Variants in ALDH1L1 observed in about 807,000 individuals in gnomAD.
ALDH1L1 encodes the protein aldehyde dehydrogenase 1 family member L1.
In ALDH1L1, 68 loss-of-function variants were observed where a neutral mutation model predicts 101.1. That is an observed-to-expected ratio of 0.67 (90% CI 0.55 to 0.82). The LOEUF is 0.82. Among genes scored for constraint, ALDH1L1 ranks in the 40% least tolerant of loss-of-function variants. The pLI is 0.00. For missense variants in ALDH1L1, 1,087 were observed against 1,172.7 expected (o/e 0.93, Z 1.07); for synonymous variants, 486 against 470.8 (o/e 1.03, Z -0.42).
upstream of ALDH1L1, among the ~76,000 whole-genome samples, chr3:126,185,693 A>G (rs1257891927): frequency 1.3e-5 from 2 of 152,174 alleles, no homozygotes; most frequent in African/African-American, 4.8e-5. Flanking sequence ...CATGGGGTGC[A>G]GACTGTGGGT....
At chr3:126,143,907 G>A (rs1389311182) in intron 9 of ALDH1L1, among the ~76,000 whole-genome samples, 1 of 152,214 alleles carries the variant, frequency 6.6e-6, no homozygotes, top group Non-Finnish European at 1.5e-5. Flanking sequence ...TCAAACCACT[G>A]TTCCAGCCTA....
chr3:126,194,965 G>A (rs1576515698), intron 1 of ALDH1L1, among the ~76,000 whole-genome samples: 1 of 151,866 alleles, frequency 6.6e-6, no homozygotes, highest in East Asian at 1.9e-4. Flanking sequence ...TGGACTTTCT[G>A]ACTTGTCCTA....
intron 17 of ALDH1L1, chr3:126,115,024 C>T (rs1161491481): frequency 4.4e-6 from 2 of 458,340 alleles, no homozygotes; most frequent in South Asian, 3.1e-5. Flanking sequence ...GCATGTTGAC[C>T]TCTGACCCCA....
upstream of ALDH1L1, among the ~76,000 whole-genome samples, chr3:126,183,126 T>A (rs1222498635): frequency 1.3e-5 from 2 of 152,118 alleles, no homozygotes; most frequent in Non-Finnish European, 2.9e-5. Context: ...TGTAAAATCT[T>A]CAAAGAGAAC....
In ALDH1L1 at chr3:126,103,827, C is replaced by T. The variant is rs1469655141; in HGVS notation, c.2673G>A (p.Glu891=). ...AGGTCACTGTCTTGACCCGCAGGTA[C>T]TCGTTCAGAGCCGCCTCTCCTGTAA... ...GKDLGEAALN[E]YLRVKTVTFE... Residue 891 remains glutamate, a synonymous_variant, in exon 23 of 23, where the codon GAG becomes GAA. Coordinates refer to ENST00000393434, the MANE Select transcript of ALDH1L1 (RefSeq NM_012190.4). 1 of 1,613,628 alleles carries T rather than the reference C, an allele frequency of 6.2e-7. No individual in the cohort carries two copies. Among genetic ancestry groups the T allele is most frequent in the Admixed American group, 1.7e-5 (1 of 59,958 alleles).
At chr3:126,190,048 A>C (rs1216350973) in intron 1 of ALDH1L1, among the ~76,000 whole-genome samples, 1 of 152,208 alleles carries the variant, frequency 6.6e-6, no homozygotes, top group Non-Finnish European at 1.5e-5. Flanking sequence ...CCTCTGTTGC[A>C]GGAGATTCTT....
intron 1 of ALDH1L1, among the ~76,000 whole-genome samples, chr3:126,165,572 GT>G (rs537596578): frequency 7.8e-4 from 118 of 152,236 alleles, no homozygotes; most frequent in African/African-American, 2.8e-3. Context: ...TTGGTTGGTA[GT>G]TGTTTTCATT....
upstream of ALDH1L1, among the ~76,000 whole-genome samples, chr3:126,186,357 T>G (rs1047674960): frequency 6.6e-6 from 1 of 152,148 alleles, no homozygotes; most frequent in Non-Finnish European, 1.5e-5. Context: ...GGCCACTAAG[T>G]GTGAGGAAAT....
chr3:126,185,821 T>A (rs982880620), upstream of ALDH1L1, among the ~76,000 whole-genome samples: 2 of 152,202 alleles, frequency 1.3e-5, no homozygotes, highest in South Asian at 4.1e-4. Flanking sequence ...AGTAAAAACA[T>A]CTTTAAAAAG....
At chr3:126,131,351 T>C in intron 13 of ALDH1L1, 33 bp downstream of exon 13, 1 of 1,558,788 alleles carries the variant, frequency 6.4e-7, no homozygotes. Flanking sequence ...CCAGTCTGCA[T>C]GTGCTCACAC....
In ALDH1L1 at chr3:126,124,373, G is replaced by A; in HGVS notation, c.1879C>T (p.Pro627Ser). The change falls in exon 16 of 23, where the codon CCA (proline) becomes TCA (serine). Residue 627 changes from proline (P) to serine (S), a missense_variant. By Grantham distance (74) the Pro-to-Ser change is moderately conservative. Coordinates refer to ENST00000393434, the MANE Select transcript of ALDH1L1 (RefSeq NM_012190.4). Reference protein sequence around the residue: ...GIPKGVVNVLPGSGSLVGQRL... With the variant: ...GIPKGVVNVLSGSGSLVGQRL... ...CGACAATGGCTCTTACCAGATCCTG[G>A]GAGGACGTTAACCACACCTTTGGGA... 1 of 1,611,492 alleles carries A rather than the reference G, an allele frequency of 6.2e-7. No homozygotes were observed. Among genetic ancestry groups the A allele is most frequent in the Non-Finnish European group, 8.5e-7 (1 of 1,178,930 alleles).
Position 126,196,326 on chromosome 3 carries a change from A to G in ALDH1L1, c.-24+1409T>C, listed in dbSNP as rs77021690. 6.7e-3 allele frequency among the ~76,000 whole-genome samples: 1,014 copies of G among 150,998 alleles called. 13 individuals carry two copies. The highest frequency in any genetic ancestry group is 0.022 in the African/African-American group (887 of 41,194). ...TCTGGTCTAAAGAACAGAGCCTTAG[A>G]TTTTGAGAGGGATCTATCCATTTCC... On this transcript the variant is annotated intron_variant, in intron 1 of 2. Transcript: ENST00000509952.
chr3:126,123,696 G>A (rs2080124274), intron 16 of ALDH1L1, among the ~76,000 whole-genome samples: 1 of 151,192 alleles, frequency 6.6e-6, no homozygotes, highest in African/African-American at 2.4e-5. Context: ...TAAAAGCAAG[G>A]GGGAAACTAT....
chr3:126,110,144 G>A, intron 19 of ALDH1L1, 35 bp from the exon 20 acceptor site: 1 of 1,609,704 alleles, frequency 6.2e-7, no homozygotes, highest in South Asian at 1.1e-5. Flanking sequence ...TGTGGCTTGT[G>A]CTGCCACAGT....
chr3:126,141,411 CA>C (rs1361805202), intron 9 of ALDH1L1, among the ~76,000 whole-genome samples: 1 of 152,022 alleles, frequency 6.6e-6, no homozygotes, highest in East Asian at 1.9e-4. Flanking sequence ...ACATTCTTTT[CA>C]AGGTTACATG....
intron 12 of ALDH1L1, chr3:126,134,975 T>C (rs2080397364): frequency 6.6e-6 from 1 of 152,172 alleles, no homozygotes; most frequent in Non-Finnish European, 1.5e-5. Context: ...TCTAAGGTCA[T>C]AAGCTAAAGT....
chr3:126,179,405 C>T (rs183374305), intron 1 of ALDH1L1, among the ~76,000 whole-genome samples: 1 of 152,300 alleles, frequency 6.6e-6, no homozygotes, highest in Non-Finnish European at 1.5e-5. Context: ...GAGGCTGAGG[C>T]GGGAGAATCA....
chr3:126,118,101 G>A lies in ALDH1L1; in HGVS notation c.1889-3C>T. On this transcript the variant is annotated splice_region_variant and splice_polypyrimidine_tract_variant and intron_variant, in intron 16 of 22. Coordinates refer to ENST00000393434, the MANE Select transcript of ALDH1L1 (RefSeq NM_012190.4). ...GAGTCTCTGGCCGACCAGGGAGCCTGTGGGCGGGAGGGAGGGGGGAATCAG... is the reference window on the plus strand; with the variant it reads ...GAGTCTCTGGCCGACCAGGGAGCCTATGGGCGGGAGGGAGGGGGGAATCAG... The A allele has an allele frequency of 1.2e-6, 2 of 1,612,408 alleles. No homozygotes were observed. The highest frequency in any genetic ancestry group is 1.3e-5 in the African/African-American group (1 of 75,036).
Position 126,136,041 on chromosome 3 carries a change from C to T in ALDH1L1, c.1345-379G>A, listed in dbSNP as rs573102648. ...TGTCTGCCGCCACAAGACAGCCATG[C>T]CCCTTCTGCCAAGGCCCCATCCTCA... On this transcript the variant is annotated intron_variant, in intron 11 of 22. Transcript: ENST00000393434. Among the ~76,000 whole-genome samples the T allele has an allele frequency of 5.3e-5, 8 of 152,328 alleles. No homozygotes were observed. In the South Asian group the frequency reaches 1.5e-3, roughly 28 times the overall value.
Sources: allele counts gnomAD v4.1 joint callset (sites outside exome capture counted in the v4.1 genomes callset), GRCh38; gene constraint gnomAD v4.1.1; transcripts MANE v1.5; gene names NCBI Gene and HGNC (gene_info 2026-07-23, HGNC 2026-07-21).